The following EPS15 variants were observed in gnomAD, a reference collection of about 807,000 sequenced individuals.
EPS15 encodes the protein epidermal growth factor receptor pathway substrate 15.
In EPS15, 72 loss-of-function variants were observed where a neutral mutation model predicts 113.8. The observed-to-expected ratio is 0.63, with a 90% confidence interval of 0.52 to 0.77. EPS15 has a LOEUF of 0.77. Among genes scored for constraint, EPS15 ranks in the 30% least tolerant of loss-of-function variants. EPS15 has a pLI of 0.00. For missense variants in EPS15, 1,048 were observed against 1,045.8 expected (o/e 1.00, Z -0.03); for synonymous variants, 344 against 363.4 (o/e 0.95, Z 0.61).
At chr1:51,384,288 T>C (rs1270343102) in intron 21 of EPS15, among the ~76,000 whole-genome samples, 1 of 129,538 alleles carries the variant, frequency 7.7e-6, no homozygotes, top group African/African-American at 2.8e-5. Flanking sequence ...CTTTTTCTTT[T>C]TCTTTCTTTC....
intron 21 of EPS15, among the ~76,000 whole-genome samples, chr1:51,393,891 T>C (rs1469103732): frequency 6.6e-6 from 1 of 152,222 alleles, no homozygotes; most frequent in Non-Finnish European, 1.5e-5. Context: ...GAGATTACTA[T>C]TTAAAAAGTT....
At position 51,399,070 on chromosome 1, in the gene EPS15, C is replaced by G. The variant is rs1343459862; in HGVS notation, c.2014G>C (p.Asp672His). The change falls in exon 20 of 25, where the codon GAC (aspartate) becomes CAC (histidine). Residue 672 changes from aspartate (D) to histidine (H), a missense_variant. Physicochemically the swap from Asp to His is moderately conservative, Grantham distance 81 (BLOSUM62 -1). Transcript: ENST00000371733. ...CTATTGTTGGCTGCACTGAAAGGGT[C>G]AGTGCTTGAAGTGGCAAAAGGATCA... ...STDPFATSSTDPFSAANNSSI... is the reference protein window; with the variant it reads ...STDPFATSSTHPFSAANNSSI... The G allele has an allele frequency of 6.2e-7, 1 of 1,614,028 alleles. No individual in the cohort carries two copies. Among genetic ancestry groups the G allele is most frequent in the African/African-American group, 1.3e-5 (1 of 74,998 alleles).
intron 21 of EPS15, among the ~76,000 whole-genome samples, chr1:51,386,908 C>G (rs960955599): frequency 4.0e-5 from 6 of 151,066 alleles, no homozygotes; most frequent in African/African-American, 1.5e-4. Context: ...GGATATTATC[C>G]AGGAGAACTT....
At chr1:51,372,823 A>T in intron 21 of EPS15, 1 of 495,792 alleles carries the variant, frequency 2.0e-6, no homozygotes, top group African/African-American at 2.0e-5. Context: ...AGTCTTTACC[A>T]GCTGATCACA....
intron 1 of EPS15, among the ~76,000 whole-genome samples, chr1:51,501,478 T>A (rs1464718549): frequency 1.3e-5 from 2 of 151,910 alleles, no homozygotes; most frequent in African/African-American, 4.8e-5. Flanking sequence ...GGGTTTTTTG[T>A]GGGTTTTTTG....
chr1:51,471,481 C>T (rs1460119722), intron 4 of EPS15, among the ~76,000 whole-genome samples: 1 of 152,102 alleles, frequency 6.6e-6, no homozygotes, highest in Non-Finnish European at 1.5e-5. Flanking sequence ...AAATAAACTC[C>T]AGGAGAACAA....
intron 1 of EPS15, among the ~76,000 whole-genome samples, chr1:51,507,781 T>C (rs1436284689): frequency 6.6e-6 from 1 of 152,054 alleles, no homozygotes; most frequent in Non-Finnish European, 1.5e-5. Flanking sequence ...AGAAACGATG[T>C]AAAAGACTAA....
At chr1:51,398,412 G>A (rs527374140) in intron 20 of EPS15, among the ~76,000 whole-genome samples, 3 of 152,292 alleles carry the variant, frequency 2.0e-5, no homozygotes, top group African/African-American at 7.2e-5. Context: ...CCTTAAACAT[G>A]TTAATTTTTC....
intron 21 of EPS15, among the ~76,000 whole-genome samples, chr1:51,391,185 A>G (rs1410370603): frequency 6.6e-6 from 1 of 152,264 alleles, no homozygotes; most frequent in African/African-American, 2.4e-5. Flanking sequence ...GAAACTGGAA[A>G]TCATCATTCT....
At chr1:51,497,274 C>T (rs773674362) in intron 1 of EPS15, among the ~76,000 whole-genome samples, 1 of 152,112 alleles carries the variant, frequency 6.6e-6, no homozygotes, top group African/African-American at 2.4e-5. Flanking sequence ...AGTCAGCTAG[C>T]AAATTTCTTT....
chr1:51,403,943 AAACT>A (rs1336954585), intron 16 of EPS15, among the ~76,000 whole-genome samples: 1 of 152,206 alleles, frequency 6.6e-6, no homozygotes, highest in Non-Finnish European at 1.5e-5. Flanking sequence ...TATTGTAGCC[AAACT>A]AATAGCTCTA....
intron 1 of EPS15, among the ~76,000 whole-genome samples, chr1:51,508,290 A>AGAGAG (rs1557536788): frequency 7.5e-6 from 1 of 134,082 alleles, no homozygotes; most frequent in African/African-American, 2.8e-5. Flanking sequence ...GAAAGAGAGA[A>AGAGAG]AGAGAGAGAG....
rs553516567 is a variant in EPS15 at position 51,437,602 on chromosome 1, C to T, written c.1040+2745G>A. ...GGTTCAAGGAATTTTCCTGTGTTAG[C>T]CTCCTGAGTAGCTGGAATTACAGAT... On this transcript the variant is annotated intron_variant, in intron 12 of 24. Coordinates refer to ENST00000371733, the MANE Select transcript of EPS15 (RefSeq NM_001981.3). 1.8e-4 allele frequency among the ~76,000 whole-genome samples: 27 copies of T among 151,572 alleles called. No homozygotes were observed. In the South Asian group the frequency reaches 3.5e-3, roughly 20 times the overall value.
intron 13 of EPS15, among the ~76,000 whole-genome samples, chr1:51,414,403 T>A (rs148135044): frequency 0.042 from 6,353 of 150,524 alleles, 199 homozygotes; most frequent in Middle Eastern, 0.11. Flanking sequence ...GCAACAAGAG[T>A]GAAACTCCAT....
At chr1:51,486,235 T>C (rs1383906510) in intron 1 of EPS15, among the ~76,000 whole-genome samples, 2 of 149,866 alleles carry the variant, frequency 1.3e-5, no homozygotes, top group Admixed American at 6.7e-5. Flanking sequence ...CTGGCCAATA[T>C]GGCAACACCT....
rs747615090 is a variant in EPS15, at chr1:51,471,751, G to T, written c.166-14C>A. On this transcript the variant is annotated splice_polypyrimidine_tract_variant and intron_variant, in intron 3 of 24. Coordinates refer to ENST00000371733, the MANE Select transcript of EPS15 (RefSeq NM_001981.3). ...TAAATCCCAAATCTGAAATTTAGGGGGAAAAAATATCAATGTATATTTTAA... is the reference window on the plus strand; with the variant it reads ...TAAATCCCAAATCTGAAATTTAGGGTGAAAAAATATCAATGTATATTTTAA... The T allele has an allele frequency of 6.3e-7, 1 of 1,586,800 alleles. No individual in the cohort carries two copies. Among genetic ancestry groups the T allele is most frequent in the South Asian group, 1.1e-5 (1 of 89,660 alleles).
At chr1:51,358,410 A>T (rs1646292087) in intron 24 of EPS15, among the ~76,000 whole-genome samples, 1 of 152,242 alleles carries the variant, frequency 6.6e-6, no homozygotes, top group African/African-American at 2.4e-5. Context: ...TATCTACCCC[A>T]AACAGCAACC....
intron 2 of EPS15, among the ~76,000 whole-genome samples, chr1:51,475,992 G>A (rs1655650830): frequency 6.6e-6 from 1 of 152,146 alleles, no homozygotes; most frequent in Non-Finnish European, 1.5e-5. Flanking sequence ...GATGACTGTA[G>A]ATGTGTGGTA....
chr1:51,402,469 G>T lies in EPS15; in HGVS notation c.1848C>A (p.Asn616Lys). ...AAGGATCAGACTGGAAAAAATCCAAGTTTGTATCTGCAACTGGACCTGTCA... is the reference window on the plus strand; with the variant it reads ...AAGGATCAGACTGGAAAAAATCCAATTTTGTATCTGCAACTGGACCTGTCA... ...SSLTGPVADT[N>K]LDFFQSDPFV... The change falls in exon 18 of 25, where the codon AAC (asparagine) becomes AAA (lysine). Residue 616 changes from asparagine to lysine, a missense_variant. Coordinates refer to ENST00000371733, the MANE Select transcript of EPS15 (RefSeq NM_001981.3). 1 of 1,589,654 alleles carries T rather than the reference G, an allele frequency of 6.3e-7. No individual in the cohort carries two copies. The highest frequency in any genetic ancestry group is 8.6e-7 in the Non-Finnish European group (1 of 1,164,392).
Sources: allele counts gnomAD v4.1 joint callset (sites outside exome capture counted in the v4.1 genomes callset), GRCh38; gene constraint gnomAD v4.1.1; transcripts MANE v1.5; gene names NCBI Gene and HGNC (gene_info 2026-07-23, HGNC 2026-07-21).